AGAP5: variants seen among roughly 807,000 people sequenced by gnomAD.
AGAP5 encodes the protein arf-GAP with GTPase, ANK repeat and PH domain-containing protein 5.
Under a neutral mutation model 27.7 loss-of-function variants are expected in AGAP5, and 8 were observed. That is an observed-to-expected ratio of 0.29 (90% CI 0.17 to 0.52). The LOEUF is 0.52. Among genes scored for constraint, AGAP5 ranks in the 20% least tolerant of loss-of-function variants. The pLI, the probability that AGAP5 is intolerant of heterozygous loss-of-function variation, is 0.97. For synonymous variants in AGAP5, 111 were observed against 338.0 expected (o/e 0.33, Z 7.37); for missense variants, 285 against 880.8 (o/e 0.32, Z 8.56).
At chr10:73,677,691 G>A (rs566540130) in intron 6 of AGAP5, among the ~76,000 whole-genome samples, 18 of 152,150 alleles carry the variant, frequency 1.2e-4, no homozygotes, top group African/African-American at 4.3e-4. Context: ...GGCCAACACT[G>A]TTCTGAATCA....
At chr10:73,688,634 A>T (rs1453939546) in intron 4 of AGAP5, among the ~76,000 whole-genome samples, 1 of 152,102 alleles carries the variant, frequency 6.6e-6, no homozygotes, top group Non-Finnish European at 1.5e-5. Flanking sequence ...TAGAAGGGGA[A>T]AAATTAAAAA....
chr10:73,685,758 G>A (rs2082058387), intron 4 of AGAP5, among the ~76,000 whole-genome samples: 1 of 151,982 alleles, frequency 6.6e-6, no homozygotes, highest in African/African-American at 2.4e-5. Flanking sequence ...TCACCATGTT[G>A]GCCTGGCTGG....
At chr10:73,686,515 G>T (rs995592149) in intron 4 of AGAP5, among the ~76,000 whole-genome samples, 2 of 152,130 alleles carry the variant, frequency 1.3e-5, no homozygotes, top group African/African-American at 2.4e-5. Context: ...TCATGACCAA[G>T]AACACAAAAG....
Position 73,694,737 on chromosome 10 carries a change from A to G in AGAP5, c.360T>C (p.Asp120=). ...GCGGAAAAAACAATGTTGTCTCACC[A>G]TCTGTTTGAGAGTTCCTCTGGAATA... ...STIFQRNSQT[D]VVEIRRSNCT... Residue 120 remains aspartate, a splice_region_variant and synonymous_variant, in exon 3 of 8, where the codon GAT becomes GAC. Coordinates refer to ENST00000374094, the MANE Select transcript of AGAP5 (RefSeq NM_001144000.4). 6.3e-7 allele frequency: 1 copy of G among 1,597,574 alleles called. No individual in the cohort carries two copies. The highest frequency in any genetic ancestry group is 8.5e-7 in the Non-Finnish European group (1 of 1,179,596).
chr10:73,697,503 G>A (rs1330246129), intron 1 of AGAP5, 30 bp downstream of exon 1: 8 of 1,610,138 alleles, frequency 5.0e-6, no homozygotes, highest in Admixed American at 1.7e-5. Flanking sequence ...GAGGCAAACC[G>A]AGGGTAGATG....
At chr10:73,692,366 C>T (rs1411353003) in intron 3 of AGAP5, among the ~76,000 whole-genome samples, 1 of 152,010 alleles carries the variant, frequency 6.6e-6, no homozygotes, top group African/African-American at 2.4e-5. Context: ...AAAAATTTAG[C>T]TAATAAAAAG....
intron 4 of AGAP5, among the ~76,000 whole-genome samples, chr10:73,689,319 C>A (rs1006300794): frequency 6.6e-6 from 1 of 152,230 alleles, no homozygotes; most frequent in Non-Finnish European, 1.5e-5. Context: ...AGTGCAGTGG[C>A]GTGATCTCGG....
intron 4 of AGAP5, among the ~76,000 whole-genome samples, chr10:73,685,413 C>T (rs923948916): frequency 9.9e-5 from 15 of 151,796 alleles, no homozygotes; most frequent in Non-Finnish European, 2.2e-4. Context: ...TTGTCAAATG[C>T]TTTCTCTGCA....
intron 4 of AGAP5, among the ~76,000 whole-genome samples, chr10:73,686,749 G>T (rs1250724413): frequency 1.3e-5 from 2 of 152,142 alleles, no homozygotes; most frequent in Non-Finnish European, 2.9e-5. Flanking sequence ...AGCGGATAAA[G>T]AAACTGTGAT....
chr10:73,697,864 C>T lies in AGAP5; in HGVS notation c.-109G>A, dbSNP rs1021247824. On this transcript the variant is annotated 5_prime_UTR_variant, in exon 1 of 8. Coordinates refer to ENST00000374094, the MANE Select transcript of AGAP5 (RefSeq NM_001144000.4). Reference sequence around the variant, plus strand: ...GCTGCACTTGCAGAGATGGTCTTCCCGCTCCTCGCCTGCCCACCTCACAGC... The same window carrying T: ...GCTGCACTTGCAGAGATGGTCTTCCTGCTCCTCGCCTGCCCACCTCACAGC... The T allele has an allele frequency of 6.5e-6, 10 of 1,549,520 alleles. No individual in the cohort carries two copies. Among genetic ancestry groups the T allele is most frequent in the African/African-American group, 2.7e-5 (2 of 73,788 alleles).
chr10:73,691,664 G>T (rs1160345006), intron 4 of AGAP5, among the ~76,000 whole-genome samples: 4 of 151,934 alleles, frequency 2.6e-5, no homozygotes, highest in Admixed American at 2.6e-4. Context: ...GGCTACTTTT[G>T]TATTTTTAGT....
chr10:73,690,629 C>T (rs1180247869), intron 4 of AGAP5, among the ~76,000 whole-genome samples: 2 of 147,594 alleles, frequency 1.4e-5, no homozygotes, highest in South Asian at 4.3e-4. Flanking sequence ...AAAAAAAGAG[C>T]ACAACTGCAA....
intron 2 of AGAP5, among the ~76,000 whole-genome samples, chr10:73,696,373 C>G (rs2082162324): frequency 6.6e-6 from 1 of 152,150 alleles, no homozygotes; most frequent in South Asian, 2.1e-4. Context: ...GGGGAAGGGA[C>G]AAAGGGGGAG....
At chr10:73,687,399 G>A (rs1031339127) in intron 4 of AGAP5, among the ~76,000 whole-genome samples, 3 of 152,168 alleles carry the variant, frequency 2.0e-5, no homozygotes, top group Admixed American at 1.3e-4. Flanking sequence ...TATGAAAGGC[G>A]CATACCACCA....
chr10:73,689,725 TGA>T (rs1337575992), intron 4 of AGAP5, among the ~76,000 whole-genome samples: 3 of 148,174 alleles, frequency 2.0e-5, no homozygotes, highest in Non-Finnish European at 1.5e-5. Flanking sequence ...CCGCCCCGTC[TGA>T]GAAGTGAGGA....
At chr10:73,677,910 C>G (rs971062694) in intron 6 of AGAP5, among the ~76,000 whole-genome samples, 1 of 152,076 alleles carries the variant, frequency 6.6e-6, no homozygotes, top group Non-Finnish European at 1.5e-5. Flanking sequence ...AAAACATAGC[C>G]TGAATTTCTT....
intron 6 of AGAP5, among the ~76,000 whole-genome samples, chr10:73,679,209 C>A (rs2082005290): frequency 2.0e-5 from 3 of 151,898 alleles, no homozygotes; most frequent in Admixed American, 2.0e-4. Flanking sequence ...GTCACCCAGG[C>A]TGCAGTGCAA....
At chr10:73,697,453 G>T in intron 1 of AGAP5, 80 bp downstream of exon 1, 1 of 1,600,146 alleles carries the variant, frequency 6.2e-7, no homozygotes, top group South Asian at 1.1e-5. Context: ...GCTCAAAGTG[G>T]GGGATGCCGT....
rs543813041 is a variant in AGAP5, at chr10:73,698,040, G to A, written c.-285C>T. ...ATAGGTTGTGAACCCAACAAGCGCT[G>A]AGAGACACAACAACTGCCTGAAGAG... is the stretch of plus-strand genomic sequence containing the variant. On this transcript the variant is annotated 5_prime_UTR_variant, in exon 1 of 8. Transcript: ENST00000374094. The A allele has an allele frequency of 5.0e-6, 7 of 1,396,730 alleles. No homozygotes were observed. The South Asian group carries it at 1.0e-4, about 21-fold the overall frequency. 86.5% of individuals were successfully genotyped at this position (1,396,730 alleles called of 1,614,324 possible). A position where few individuals can be genotyped will look rare whatever the true frequency, so the allele number is the denominator to read the frequency against.
Sources: gnomAD v4.1 joint callset for allele counts (sites outside exome capture counted in the v4.1 genomes callset) on GRCh38, gnomAD v4.1.1 for gene constraint, MANE v1.5 for transcripts, NCBI Gene and HGNC (gene_info 2026-07-23, HGNC 2026-07-21) for gene names.